ZMYND8: variants seen among roughly 807,000 people sequenced by gnomAD.
The protein encoded by ZMYND8 is zinc finger MYND-type containing 8.
Under a neutral mutation model 140.8 loss-of-function variants are expected in ZMYND8, and 37 were observed. The ratio of observed to expected loss-of-function variants is 0.26; its 90% CI spans 0.20 to 0.35. The LOEUF (loss-of-function observed/expected upper bound fraction) is 0.35. Among genes scored for constraint, ZMYND8 ranks in the 10% least tolerant of loss-of-function variants. The probability of loss-of-function intolerance (pLI) is 1.00; values close to 1 mark genes in which losing one functional copy is unlikely to be tolerated. For missense variants in ZMYND8, 1,068 were observed against 1,570.0 expected, an observed-to-expected ratio of 0.68 and a Z score of 5.40; for synonymous variants, 592 against 597.1, an observed-to-expected ratio of 0.99 and a Z score of 0.12.
In ZMYND8 at chr20:47,328,609, G is replaced by A. The variant is rs532733995; in HGVS notation, c.86-18405C>T. Among the ~76,000 whole-genome samples, 81 of 152,068 alleles carry A rather than the reference G, an allele frequency of 5.3e-4. No homozygotes were observed. The South Asian group carries it at 1.0e-2, about 19-fold the overall frequency. ...CTCCCGAGTAGCTGGGATTACAGGC[G>A]CGTGCCACCACACCCAGCTAATTTT... On this transcript the variant is annotated intron_variant, in intron 2 of 22. Transcript: ENST00000471951.
intron 2 of ZMYND8, chr20:47,319,981 T>C (rs1601895468): frequency 6.6e-6 from 1 of 151,884 alleles, no homozygotes; most frequent in Admixed American, 6.6e-5. Flanking sequence ...GGCCTTTACA[T>C]TGTGGCTGGC....
intron 19 of ZMYND8, among the ~76,000 whole-genome samples, chr20:47,221,839 G>A (rs1183633381): frequency 6.6e-6 from 1 of 152,122 alleles, no homozygotes; most frequent in East Asian, 1.9e-4. Context: ...CTAATTTTTT[G>A]TATTTTTAGT....
At chr20:47,249,138 G>T in intron 13 of ZMYND8, 149 bp downstream of exon 13, 1 of 947,848 alleles carries the variant, frequency 1.1e-6, no homozygotes, top group Non-Finnish European at 1.5e-6. Context: ...GCCATGAGTG[G>T]AAATATATTT....
At chr20:47,297,980 T>C (rs112435506) in intron 4 of ZMYND8, among the ~76,000 whole-genome samples, 9,215 of 152,180 alleles carry the variant, frequency 0.061, 766 homozygotes, top group African/African-American at 0.19. Flanking sequence ...GTCCCCCAAA[T>C]GGCTGCATGG....
chr20:47,332,433 A>G (rs1164085568), intron 2 of ZMYND8, among the ~76,000 whole-genome samples: 3 of 152,162 alleles, frequency 2.0e-5, no homozygotes, highest in Non-Finnish European at 4.4e-5. Context: ...TGTGACTCCA[A>G]GCATGGTGGA....
rs1247983951 is a variant in ZMYND8, at chr20:47,221,325, C to G, written c.3406G>C (p.Glu1136Gln). Residue 1136 changes from glutamate (E) to glutamine (Q), a missense_variant, in exon 20 of 23, where the codon GAG (glutamate) becomes CAG (glutamine). Glu to Gln is a conservative substitution (Grantham distance 29). This residue lies in a region of ZMYND8 where 180 missense variants were observed against 187.8 expected (regional missense o/e 0.96). Coordinates refer to ENST00000471951, the MANE Select transcript of ZMYND8 (RefSeq NM_001281775.3). ...GGGGGGATCCTCACCGAGCCACTCT[C>G]CTTGCTTTTCTCAGCTGACGTCTCC... ...EKETSAEKSK[E>Q]SGSTLDLSGS... 3.5e-5 allele frequency: 57 copies of G among 1,614,034 alleles called. No homozygotes were observed. The highest frequency in any genetic ancestry group is 4.7e-5 in the Non-Finnish European group (56 of 1,180,040).
chr20:47,341,978 G>C (rs2148543767), intron 2 of ZMYND8, among the ~76,000 whole-genome samples: 1 of 152,036 alleles, frequency 6.6e-6, no homozygotes, highest in African/African-American at 2.4e-5. Context: ...ACTCCAGCCT[G>C]GGTGACAGGG....
chr20:47,255,594 G>GTATATA (rs1284777204), intron 12 of ZMYND8, among the ~76,000 whole-genome samples: 1 of 124,312 alleles, frequency 8.0e-6, no homozygotes, highest in African/African-American at 3.1e-5. Context: ...GTGTGTGTGT[G>GTATATA]TATATATATA....
chr20:47,264,618 G>A (rs1484351048), intron 11 of ZMYND8, among the ~76,000 whole-genome samples: 2 of 152,110 alleles, frequency 1.3e-5, no homozygotes, highest in Non-Finnish European at 2.9e-5. Flanking sequence ...TTTACTGCAA[G>A]AATTAATAGA....
At chr20:47,265,065 T>TAG (rs1395434626) in intron 11 of ZMYND8, among the ~76,000 whole-genome samples, 1 of 149,222 alleles carries the variant, frequency 6.7e-6, no homozygotes. Context: ...TATATATATA[T>TAG]ATAGGCATTT....
At chr20:47,287,310 A>C in intron 7 of ZMYND8, 26 bp from the exon 8 acceptor site, 2 of 1,595,884 alleles carry the variant, frequency 1.3e-6, no homozygotes, top group Non-Finnish European at 1.7e-6. Flanking sequence ...AACAGGATTA[A>C]TTCTAATGGA....
chr20:47,349,967 A>C, intron 1 of ZMYND8: 1 of 1,531,466 alleles, frequency 6.5e-7, no homozygotes, highest in Non-Finnish European at 8.7e-7. Context: ...AGAGGAGCTG[A>C]ATACTTCAGG....
chr20:47,307,285 T>C (rs529467018), intron 3 of ZMYND8, among the ~76,000 whole-genome samples: 13 of 151,152 alleles, frequency 8.6e-5, no homozygotes, highest in African/African-American at 2.9e-4. Context: ...ACTCCGTCTC[T>C]ACCAAAACTA....
At chr20:47,332,059 A>C (rs924855329) in intron 2 of ZMYND8, among the ~76,000 whole-genome samples, 1 of 151,258 alleles carries the variant, frequency 6.6e-6, no homozygotes, top group African/African-American at 2.4e-5. Flanking sequence ...AAAAGTGTAA[A>C]AAATACACTT....
chr20:47,287,293 A>G lies in ZMYND8; in HGVS notation c.749-9T>C, dbSNP rs779072162. The G allele has an allele frequency of 6.2e-7, 1 of 1,611,076 alleles. No individual in the cohort carries two copies. Among genetic ancestry groups the G allele is most frequent in the Non-Finnish European group, 8.5e-7 (1 of 1,177,222 alleles). On this transcript the variant is annotated splice_polypyrimidine_tract_variant and intron_variant, in intron 7 of 22. Transcript: ENST00000471951. ...CGTCAATTTGTGATTTCCTAAGGGAATAAGAAAACAGGATTAATTCTAATG... is the reference window on the plus strand; with the variant it reads ...CGTCAATTTGTGATTTCCTAAGGGAGTAAGAAAACAGGATTAATTCTAATG...
Position 47,249,343 on chromosome 20 carries a change from C to T in ZMYND8, c.1718G>A (p.Arg573His). ...GTCAAGATTCAGCTGGAACCTGCTA[C>T]GAATCTGGCGCTTGGGAGAGATGAG... ...VPLISPKRQI[R>H]SRFQLNLDKT... is the part of the protein sequence containing the mutation. The change falls in exon 13 of 23, where the codon CGT becomes CAT. Residue 573 changes from arginine (R) to histidine (H), a missense_variant. Arg to His is a conservative substitution (Grantham distance 29, BLOSUM62 0). Coordinates refer to ENST00000471951, the MANE Select transcript of ZMYND8 (RefSeq NM_001281775.3). 6 of 1,614,108 alleles carry T rather than the reference C, an allele frequency of 3.7e-6. No homozygotes were observed. Among genetic ancestry groups the T allele is most frequent in the Non-Finnish European group, 5.1e-6 (6 of 1,180,040 alleles).
chr20:47,314,698 T>C (rs965038106), intron 2 of ZMYND8, among the ~76,000 whole-genome samples: 1 of 152,180 alleles, frequency 6.6e-6, no homozygotes, highest in Non-Finnish European at 1.5e-5. Context: ...TACACAATCC[T>C]GTTCCACACT....
intron 12 of ZMYND8, 47 bp from the exon 13 acceptor site, chr20:47,249,486 T>C (rs373130399): frequency 6.3e-7 from 1 of 1,588,070 alleles, no homozygotes; most frequent in Non-Finnish European, 8.6e-7. Context: ...CACACCATCC[T>C]CATCACGGAG....
intron 4 of ZMYND8, among the ~76,000 whole-genome samples, chr20:47,295,086 A>T (rs2148021270): frequency 6.6e-6 from 1 of 152,324 alleles, no homozygotes; most frequent in South Asian, 2.1e-4. Flanking sequence ...TTAGGTTTCA[A>T]GAATGGGATA....
Sources: gnomAD v4.1 joint callset for allele counts (sites outside exome capture counted in the v4.1 genomes callset) on GRCh38, gnomAD v4.1.1 for gene constraint, gnomAD v4.1.1 regional missense constraint, MANE v1.5 for transcripts, NCBI Gene and HGNC (gene_info 2026-07-23, HGNC 2026-07-21) for gene names.